PRRG4: variants seen among roughly 807,000 people sequenced by gnomAD.
PRRG4 encodes the protein transmembrane gamma-carboxyglutamic acid protein 4.
PRRG4 carries 12 observed loss-of-function variants against 20.0 expected under a neutral mutation model. The ratio of observed to expected loss-of-function variants is 0.60; its 90% CI spans 0.38 to 0.97. The LOEUF (loss-of-function observed/expected upper bound fraction) is 0.97, where lower values mean the gene tolerates loss of function less well. Among genes scored for constraint, PRRG4 ranks in the 50% least tolerant of loss-of-function variants. The pLI, the probability that PRRG4 is intolerant of heterozygous loss-of-function variation, is 0.00. For synonymous variants in PRRG4, 94 were observed against 96.4 expected (o/e 0.98, Z 0.15); for missense variants, 199 against 265.1 (o/e 0.75, Z 1.73).
rs1851030443 is a variant in PRRG4 at position 32,837,434 on chromosome 11, T to C, written c.267+613T>C. On this transcript the variant is annotated intron_variant, in intron 3 of 5. Transcript: ENST00000257836. The stretch of plus-strand genomic sequence containing the variant: ...AGAATATAACTAAATTCTGTTAATC[T>C]TGATAAGGTACAAAACAGATGGCAT... 2.0e-5 allele frequency among the ~76,000 whole-genome samples: 3 copies of C among 151,826 alleles called. No individual in the cohort carries two copies. In the South Asian group the frequency reaches 6.2e-4, roughly 31 times the overall value.
intron 3 of PRRG4, among the ~76,000 whole-genome samples, chr11:32,838,328 C>T (rs544486790): frequency 3.5e-4 from 53 of 151,954 alleles, no homozygotes; most frequent in African/African-American, 1.1e-3. Context: ...TGGTGTCAGG[C>T]GCCTGTAGTT....
At position 32,853,625 on chromosome 11, in the gene PRRG4, C is replaced by T. The variant is rs1027023708; in HGVS notation, c.*98C>T. 68 of 921,494 alleles carry T rather than the reference C, an allele frequency of 7.4e-5. No individual in the cohort carries two copies. Among genetic ancestry groups the T allele is most frequent in the East Asian group, 5.9e-4 (24 of 40,516 alleles). 57.1% of individuals were successfully genotyped at this position (921,494 alleles called of 1,614,324 possible). On this transcript the variant is annotated 3_prime_UTR_variant, in exon 6 of 6. Transcript: ENST00000257836. ...CCAGCACTTTGGGAGGCCAGGAGTTCGAGACCAGCCTGGCCAACATGGTGA... is the reference window on the plus strand; with the variant it reads ...CCAGCACTTTGGGAGGCCAGGAGTTTGAGACCAGCCTGGCCAACATGGTGA...
chr11:32,848,642 C>T (rs781540543), intron 5 of PRRG4, among the ~76,000 whole-genome samples: 56 of 151,160 alleles, frequency 3.7e-4, no homozygotes, highest in Non-Finnish European at 6.5e-4. Flanking sequence ...ACATACCAGC[C>T]ACAAAGTCTT....
chr11:32,842,626 A>C (rs1851089340), intron 5 of PRRG4, among the ~76,000 whole-genome samples: 1 of 151,940 alleles, frequency 6.6e-6, no homozygotes, highest in Non-Finnish European at 1.5e-5. Flanking sequence ...AGGCTGAGGC[A>C]GGAGAATCAC....
At chr11:32,846,781 C>T (rs975420375) in intron 5 of PRRG4, among the ~76,000 whole-genome samples, 2 of 152,214 alleles carry the variant, frequency 1.3e-5, no homozygotes, top group East Asian at 1.9e-4. Flanking sequence ...AGGCGGATCA[C>T]GAGGTCAAGA....
intron 3 of PRRG4, among the ~76,000 whole-genome samples, chr11:32,837,831 T>C (rs1851038717): frequency 6.6e-6 from 1 of 152,062 alleles, no homozygotes; most frequent in East Asian, 1.9e-4. Flanking sequence ...GTGCTAGGAT[T>C]ACAGGCATGA....
In PRRG4 at chr11:32,831,786, C is replaced by T. The variant is rs1197501376; in HGVS notation, c.103+1154C>T. On this transcript the variant is annotated intron_variant, in intron 2 of 5. Transcript: ENST00000257836. ...CTGTAATCCTAGCACTTTGGGAGGC[C>T]GAGGCAGGTGGATCACCTGCGGTCA... Among the ~76,000 whole-genome samples, 3 of 151,950 alleles carry T rather than the reference C, an allele frequency of 2.0e-5. No homozygotes were observed. The South Asian group carries it at 6.2e-4, about 32-fold the overall frequency.
At chr11:32,846,022 G>A (rs1851127876) in intron 5 of PRRG4, among the ~76,000 whole-genome samples, 1 of 152,076 alleles carries the variant, frequency 6.6e-6, no homozygotes, top group African/African-American at 2.4e-5. Flanking sequence ...GCCAGGTGTG[G>A]TGGTGTGTGC....
At position 32,857,726 on chromosome 11, in the gene PRRG4, A is replaced by T. The variant is rs1263453185; in HGVS notation, c.*4199A>T. ...TTTTGTTTTAATTGAATGTGAATTA[A>T]ATTTTTATTAGTTATTTGATTTGGA... On this transcript the variant is annotated 3_prime_UTR_variant, in exon 6 of 6. Transcript: ENST00000257836. The T allele has an allele frequency of 6.6e-6, 1 of 152,184 alleles. No individual in the cohort carries two copies. The highest frequency in any genetic ancestry group is 1.9e-4 in the East Asian group (1 of 5,202). The allele number at this position is 152,184 out of a possible 1,614,324, so 9.4% of individuals were successfully genotyped here. A position where few individuals can be genotyped will look rare whatever the true frequency, so the allele number is the denominator to read the frequency against.
At chr11:32,848,822 A>C (rs1239856770) in intron 5 of PRRG4, among the ~76,000 whole-genome samples, 1 of 151,964 alleles carries the variant, frequency 6.6e-6, no homozygotes, top group Non-Finnish European at 1.5e-5. Context: ...AAATACAAAA[A>C]TTAGCTGGGC....
intron 5 of PRRG4, among the ~76,000 whole-genome samples, chr11:32,848,971 T>TA (rs1554974458): frequency 2.5e-4 from 30 of 120,802 alleles, no homozygotes; most frequent in Admixed American, 7.6e-4. Context: ...GACTCTGTCT[T>TA]AAAAAAAAAA....
rs992158879 is a variant in PRRG4, at chr11:32,856,793, A to G, written c.*3266A>G. 8 of 152,206 alleles carry G rather than the reference A, an allele frequency of 5.3e-5. No individual in the cohort carries two copies. Among genetic ancestry groups the G allele is most frequent in the African/African-American group, 1.9e-4 (8 of 41,446 alleles). The allele number at this position is 152,206 out of a possible 1,614,324, so 9.4% of individuals were successfully genotyped here. A position where few individuals can be genotyped will look rare whatever the true frequency, so the allele number is the denominator to read the frequency against. ...AGAATATTCTCTTTTGATAATGAAA[A>G]AAATTAAAGAGAGCACAAACTTTGA... On this transcript the variant is annotated 3_prime_UTR_variant, in exon 6 of 6. Transcript: ENST00000257836.
chr11:32,837,538 GATGATTATTATTATTATT>G (rs1297287244), intron 3 of PRRG4, among the ~76,000 whole-genome samples: 200 of 90,912 alleles, frequency 2.2e-3, no homozygotes, highest in Middle Eastern at 6.0e-3. Flanking sequence ...TGATGATGAT[GATGATTATTATTATTATT>G]ATTATTATTA....
intron 2 of PRRG4, among the ~76,000 whole-genome samples, chr11:32,835,099 C>T (rs1851009140): frequency 6.6e-6 from 1 of 152,222 alleles, no homozygotes; most frequent in Admixed American, 6.5e-5. Context: ...AGCCACTACT[C>T]CCAGCCACAA....
rs751773526 is a variant in PRRG4 at position 32,853,573 on chromosome 11, C to A, written c.*46C>A. The A allele has an allele frequency of 1.4e-6, 2 of 1,475,712 alleles. No individual in the cohort carries two copies. Among genetic ancestry groups the A allele is most frequent in the South Asian group, 2.3e-5 (2 of 86,888 alleles). The allele number at this position is 1,475,712 out of a possible 1,614,324, so 91.4% of individuals were successfully genotyped here. A position where few individuals can be genotyped will look rare whatever the true frequency, so the allele number is the denominator to read the frequency against. On this transcript the variant is annotated 3_prime_UTR_variant, in exon 6 of 6. Transcript: ENST00000257836. Reference sequence around the variant, plus strand: ...AAGAAATTTGTGTTATTTGATAGGCCGGGCATGGTGGCTCATGCCTGTAAT... The same window carrying A: ...AAGAAATTTGTGTTATTTGATAGGCAGGGCATGGTGGCTCATGCCTGTAAT...
At chr11:32,844,767 C>T (rs1006674061) in intron 5 of PRRG4, among the ~76,000 whole-genome samples, 4 of 152,116 alleles carry the variant, frequency 2.6e-5, no homozygotes, top group Non-Finnish European at 4.4e-5. Flanking sequence ...TCCCAAAGTG[C>T]TGGGATTACA....
Position 32,856,203 on chromosome 11 carries a change from T to C in PRRG4, c.*2676T>C, listed in dbSNP as rs1028422301. The C allele has an allele frequency of 5.9e-5, 9 of 152,182 alleles. No homozygotes were observed. The highest frequency in any genetic ancestry group is 8.8e-5 in the Non-Finnish European group (6 of 68,030). 9.4% of individuals were successfully genotyped at this position (152,182 alleles called of 1,614,324 possible). A position where few individuals can be genotyped will look rare whatever the true frequency, so the allele number is the denominator to read the frequency against. ...AATATTTCATGAATTCATTTACTTC[T>C]ATTGACTCCCAAAATTCTAACTGCA... is the stretch of plus-strand genomic sequence containing the variant. On this transcript the variant is annotated 3_prime_UTR_variant, in exon 6 of 6. Transcript: ENST00000257836.
rs1590683648 is a variant in PRRG4, at chr11:32,857,530, A to G, written c.*4003A>G. The G allele has an allele frequency of 6.6e-6, 1 of 152,238 alleles. No homozygotes were observed. Among genetic ancestry groups the G allele is most frequent in the Admixed American group, 6.5e-5 (1 of 15,290 alleles). The allele number at this position is 152,238 out of a possible 1,614,324, so 9.4% of individuals were successfully genotyped here. A position where few individuals can be genotyped will look rare whatever the true frequency, so the allele number is the denominator to read the frequency against. Reference sequence around the variant, plus strand: ...GAACAATTAAAACCTGCAGAGCAACAGTGTCCTCCATGTCTTAGGTTTCAA... The same window carrying G: ...GAACAATTAAAACCTGCAGAGCAACGGTGTCCTCCATGTCTTAGGTTTCAA... On this transcript the variant is annotated 3_prime_UTR_variant, in exon 6 of 6. Coordinates refer to ENST00000257836, the MANE Select transcript of PRRG4 (RefSeq NM_024081.6).
chr11:32,844,373 A>G (rs1851107284), intron 5 of PRRG4, among the ~76,000 whole-genome samples: 2 of 151,848 alleles, frequency 1.3e-5, no homozygotes, highest in Non-Finnish European at 2.9e-5. Flanking sequence ...TATGTATGTC[A>G]TAAGGGACTT....
Sources: allele counts gnomAD v4.1 joint callset (sites outside exome capture counted in the v4.1 genomes callset), GRCh38; gene constraint gnomAD v4.1.1; transcripts MANE v1.5; gene names NCBI Gene and HGNC (gene_info 2026-07-23, HGNC 2026-07-21).